CPNE8: variants seen among roughly 807,000 people sequenced by gnomAD.
The protein encoded by CPNE8 is copine-8.
In CPNE8, 45 loss-of-function variants were observed where a neutral mutation model predicts 81.5. That is an observed-to-expected ratio of 0.55 (90% CI 0.44 to 0.71). CPNE8 has a LOEUF of 0.71. Ranked by LOEUF, CPNE8 falls within the 30% of genes least tolerant of loss-of-function variation. The probability of loss-of-function intolerance (pLI) is 0.00; values close to 1 mark genes in which losing one functional copy is unlikely to be tolerated. For synonymous variants in CPNE8, 252 were observed against 226.3 expected (o/e 1.11, Z -1.02); for missense variants, 594 against 672.1 (o/e 0.88, Z 1.28).
chr12:38,892,781 TA>T (rs1565665797), intron 1 of CPNE8, among the ~76,000 whole-genome samples: 1 of 152,192 alleles, frequency 6.6e-6, no homozygotes, highest in Non-Finnish European at 1.5e-5. Flanking sequence ...AATGATTTTT[TA>T]AAAGTAACAT....
intron 6 of CPNE8, among the ~76,000 whole-genome samples, chr12:38,793,786 A>G (rs1293196792): frequency 6.6e-6 from 1 of 152,098 alleles, no homozygotes; most frequent in Non-Finnish European, 1.5e-5. Flanking sequence ...AAACAGTAGA[A>G]TGAAATTAGA....
intron 3 of CPNE8, among the ~76,000 whole-genome samples, chr12:38,869,047 T>C (rs1943954587): frequency 6.6e-6 from 1 of 152,210 alleles, no homozygotes; most frequent in South Asian, 2.1e-4. Context: ...GACAATTTCA[T>C]ATGGTTCAAC....
At chr12:38,824,302 T>C (rs1943153231) in intron 6 of CPNE8, among the ~76,000 whole-genome samples, 1 of 152,128 alleles carries the variant, frequency 6.6e-6, no homozygotes, top group African/African-American at 2.4e-5. Flanking sequence ...TAAATTCAAA[T>C]TCTCATTATA....
chr12:38,683,949 ATATC>A (rs983341974), intron 16 of CPNE8, among the ~76,000 whole-genome samples: 1 of 152,104 alleles, frequency 6.6e-6, no homozygotes, highest in African/African-American at 2.4e-5. Context: ...TAGATATTTT[ATATC>A]TATCACTTTA....
intron 3 of CPNE8, among the ~76,000 whole-genome samples, chr12:38,859,798 G>T (rs1429453258): frequency 2.0e-5 from 3 of 152,022 alleles, no homozygotes. Context: ...TTCAACAAGG[G>T]TGTCAATGGG....
intron 1 of CPNE8, among the ~76,000 whole-genome samples, chr12:38,904,163 T>C (rs1418345103): frequency 6.6e-6 from 1 of 152,176 alleles, no homozygotes; most frequent in African/African-American, 2.4e-5. Context: ...AAGGCAAGTT[T>C]GCTAAGGAAA....
At chr12:38,840,981 C>G (rs1198366765) in intron 4 of CPNE8, among the ~76,000 whole-genome samples, 1 of 152,110 alleles carries the variant, frequency 6.6e-6, no homozygotes, top group African/African-American at 2.4e-5. Flanking sequence ...TGTGAATAAC[C>G]TCCTACCAAA....
intron 6 of CPNE8, among the ~76,000 whole-genome samples, chr12:38,795,672 T>G (rs1592095780): frequency 6.6e-6 from 1 of 151,998 alleles, no homozygotes. Context: ...GTAATCAAAT[T>G]TATAGAAAGA....
chr12:38,710,467 A>C (rs1940227514), intron 13 of CPNE8, among the ~76,000 whole-genome samples: 1 of 152,034 alleles, frequency 6.6e-6, no homozygotes, highest in Non-Finnish European at 1.5e-5. Context: ...CAAAACTATC[A>C]AATCTCTGGG....
chr12:38,755,398 A>G (rs1941434738), intron 10 of CPNE8, among the ~76,000 whole-genome samples: 1 of 152,162 alleles, frequency 6.6e-6, no homozygotes, highest in African/African-American at 2.4e-5. Flanking sequence ...ACATGGTATT[A>G]ATGCAGCACT....
At chr12:38,693,939 G>T in intron 14 of CPNE8, 101 bp from the exon 15 acceptor site, 1 of 931,438 alleles carries the variant, frequency 1.1e-6, no homozygotes, top group Non-Finnish European at 1.6e-6. Context: ...TCAAAATTAT[G>T]TTTTTCTGCC....
At chr12:38,771,251 G>C (rs1041201556) in intron 7 of CPNE8, among the ~76,000 whole-genome samples, 1 of 151,660 alleles carries the variant, frequency 6.6e-6, no homozygotes, top group Non-Finnish European at 1.5e-5. Flanking sequence ...ACTTGAGTCT[G>C]GGAGTTCAAG....
chr12:38,705,405 G>A (rs576329181), intron 13 of CPNE8, among the ~76,000 whole-genome samples: 11 of 151,814 alleles, frequency 7.2e-5, no homozygotes, highest in Admixed American at 3.3e-4. Flanking sequence ...TTTTTCCTAC[G>A]GAAACAACAA....
intron 6 of CPNE8, among the ~76,000 whole-genome samples, chr12:38,798,568 C>A (rs1317021266): frequency 2.0e-5 from 3 of 152,030 alleles, no homozygotes; most frequent in East Asian, 1.9e-4. Flanking sequence ...ATGGAAAGAA[C>A]AACCGGTACC....
intron 3 of CPNE8, among the ~76,000 whole-genome samples, chr12:38,855,597 G>A (rs932727981): frequency 2.6e-5 from 4 of 152,064 alleles, no homozygotes; most frequent in African/African-American, 9.6e-5. Context: ...AAGGAGAGAT[G>A]TTGATCAAAG....
At chr12:38,773,617 A>G (rs945925183) in intron 7 of CPNE8, among the ~76,000 whole-genome samples, 5 of 152,174 alleles carry the variant, frequency 3.3e-5, no homozygotes, top group South Asian at 2.1e-4. Context: ...GCTTATGTTC[A>G]TTGTACAAGT....
At chr12:38,847,116 T>C (rs2137054390) in intron 4 of CPNE8, among the ~76,000 whole-genome samples, 1 of 152,248 alleles carries the variant, frequency 6.6e-6, no homozygotes, top group East Asian at 1.9e-4. Context: ...AATGCTTTTT[T>C]GTATTAGGAT....
intron 10 of CPNE8, among the ~76,000 whole-genome samples, chr12:38,755,078 A>G (rs1055504447): frequency 2.0e-5 from 3 of 152,226 alleles, no homozygotes; most frequent in African/African-American, 7.2e-5. Flanking sequence ...ATAATGCATA[A>G]TCCCAGAATG....
intron 1 of CPNE8, among the ~76,000 whole-genome samples, chr12:38,880,076 T>A (rs907910687): frequency 6.6e-6 from 1 of 152,200 alleles, no homozygotes; most frequent in African/African-American, 2.4e-5. Flanking sequence ...ATACAGTTTA[T>A]AAGTAGAGCC....
Sources: gnomAD v4.1 joint callset for allele counts (sites outside exome capture counted in the v4.1 genomes callset) on GRCh38, gnomAD v4.1.1 for gene constraint, MANE v1.5 for transcripts, NCBI Gene and HGNC (gene_info 2026-07-23, HGNC 2026-07-21) for gene names.